The following PSPC1 variants were observed in gnomAD, a reference collection of about 807,000 sequenced individuals.
PSPC1 encodes paraspeckle component 1.
A neutral mutation model predicts 51.6 loss-of-function variants in PSPC1; 14 were observed. That is an observed-to-expected ratio of 0.27 (90% CI 0.18 to 0.42). PSPC1 has a LOEUF of 0.42. Among genes scored for constraint, PSPC1 ranks in the 10% least tolerant of loss-of-function variants. The pLI, the probability that PSPC1 is intolerant of heterozygous loss-of-function variation, is 1.00. For missense variants in PSPC1, 406 were observed against 701.1 expected, an observed-to-expected ratio of 0.58 and a Z score of 4.75; for synonymous variants, 193 against 231.9, an observed-to-expected ratio of 0.83 and a Z score of 1.53.
chr13:19,703,578 G>C (rs1284314350), intron 8 of PSPC1, among the ~76,000 whole-genome samples: 1 of 152,052 alleles, frequency 6.6e-6, no homozygotes, highest in Non-Finnish European at 1.5e-5. Flanking sequence ...TTTACATATT[G>C]CTAATGCTAT....
intron 2 of PSPC1, among the ~76,000 whole-genome samples, chr13:19,766,733 T>C (rs1038527319): frequency 6.6e-6 from 1 of 151,918 alleles, no homozygotes; most frequent in African/African-American, 2.4e-5. Flanking sequence ...TGCATGCCTA[T>C]AGTCCCAGCA....
chr13:19,702,581 G>A lies in PSPC1; in HGVS notation c.*594C>T, dbSNP rs1353470070. 1.3e-5 allele frequency: 2 copies of A among 151,980 alleles called. No individual in the cohort carries two copies. Among genetic ancestry groups the A allele is most frequent in the African/African-American group, 2.4e-5 (1 of 41,368 alleles). The allele number at this position is 151,980 out of a possible 1,614,324, so 9.4% of individuals were successfully genotyped here. A position where few individuals can be genotyped will look rare whatever the true frequency, so the allele number is the denominator to read the frequency against. On this transcript the variant is annotated 3_prime_UTR_variant, in exon 9 of 9. Coordinates refer to ENST00000338910, the MANE Select transcript of PSPC1 (RefSeq NM_001354909.2). ...CTTAATAATCTGTCTCAGAATACCTGAATATTCAGAAGCTATATGAAATGT... is the reference window on the plus strand; with the variant it reads ...CTTAATAATCTGTCTCAGAATACCTAAATATTCAGAAGCTATATGAAATGT...
intron 6 of PSPC1, among the ~76,000 whole-genome samples, chr13:19,713,863 C>G (rs1014810659): frequency 2.6e-5 from 4 of 152,104 alleles, no homozygotes; most frequent in Non-Finnish European, 5.9e-5. Context: ...TCATGTTTTC[C>G]CAGCACTAAG....
Position 19,773,841 on chromosome 13 carries a change from T to TG in PSPC1, c.373-1299dup, listed in dbSNP as rs1019324862. ...CTAATTTTTTAATTTTCTGTAGAGA[T>TG]GGGGGGGTCTCACTATATTCCCCAT... On this transcript the variant is annotated intron_variant, in intron 1 of 8. Transcript: ENST00000338910. Among the ~76,000 whole-genome samples, 23 of 151,988 alleles carry TG rather than the reference T, an allele frequency of 1.5e-4. No homozygotes were observed. In the East Asian group the frequency reaches 1.7e-3, roughly 12 times the overall value.
chr13:19,752,838 G>A (rs754092258), intron 3 of PSPC1, among the ~76,000 whole-genome samples: 5 of 151,336 alleles, frequency 3.3e-5, no homozygotes, highest in African/African-American at 4.9e-5. Flanking sequence ...CACCCATCTC[G>A]GTCTCCCAAA....
chr13:19,773,913 C>A (rs970549404), intron 1 of PSPC1, among the ~76,000 whole-genome samples: 1 of 152,144 alleles, frequency 6.6e-6, no homozygotes, highest in African/African-American at 2.4e-5. Context: ...TCGCCTTAGC[C>A]TCCCAAAGTG....
rs889017610 is a variant in PSPC1, at chr13:19,775,817, G to A, written c.373-3274C>T. On this transcript the variant is annotated intron_variant, in intron 1 of 8. Transcript: ENST00000338910. ...TGTAATCCCAACACTTTGGGAGGCC[G>A]AGGCAGGAGAATCACGAGGTCAGGA... Among the ~76,000 whole-genome samples the A allele has an allele frequency of 2.6e-5, 4 of 152,258 alleles. No individual in the cohort carries two copies. In the East Asian group the frequency reaches 5.8e-4, roughly 22 times the overall value.
At chr13:19,781,019 T>C (rs2138409054) in intron 1 of PSPC1, among the ~76,000 whole-genome samples, 1 of 151,682 alleles carries the variant, frequency 6.6e-6, no homozygotes, top group East Asian at 2.0e-4. Context: ...TAGGCAGGCT[T>C]GGGGGTGCGT....
intron 6 of PSPC1, among the ~76,000 whole-genome samples, chr13:19,690,472 G>T (rs1483330116): frequency 1.3e-5 from 2 of 152,162 alleles, no homozygotes; most frequent in East Asian, 3.9e-4. Flanking sequence ...GAAAAGGTGT[G>T]AGAGAAAAAC....
In PSPC1 at chr13:19,782,512, G is replaced by A. The variant is rs373249777; in HGVS notation, c.246C>T (p.Cys82=). ...TGGGCAGATTTCCCACGAAGAGGCG[G>A]CAGCGCTGCGTGTACGTCTTCTCGC... The part of the protein sequence containing the change: ...KPGEKTYTQR[C]RLFVGNLPTD... The change falls in exon 1 of 9, where the codon TGC becomes TGT. Residue 82 remains cysteine, a synonymous_variant. Transcript: ENST00000338910. This position sits in a 1 kb window ranked among gnomAD's most constrained non-coding sequence, Gnocchi z 4.5. The A allele has an allele frequency of 8.1e-6, 13 of 1,613,450 alleles. No homozygotes were observed. Among genetic ancestry groups the A allele is most frequent in the East Asian group, 2.2e-5 (1 of 44,818 alleles).
chr13:19,674,611 G>A (rs1023729750), downstream of PSPC1: 3 of 152,254 alleles, frequency 2.0e-5, no homozygotes, highest in Non-Finnish European at 4.4e-5. Flanking sequence ...CCAGGGGCCT[G>A]ATGAAGCACA....
intron 1 of PSPC1, among the ~76,000 whole-genome samples, chr13:19,778,079 T>C (rs983432659): frequency 1.3e-5 from 2 of 151,216 alleles, no homozygotes; most frequent in Admixed American, 6.6e-5. Context: ...CCGTCTCTAC[T>C]AAAAATACAA....
intron 6 of PSPC1, among the ~76,000 whole-genome samples, chr13:19,714,638 G>A (rs1881871326): frequency 6.6e-6 from 1 of 151,544 alleles, no homozygotes; most frequent in South Asian, 2.1e-4. Flanking sequence ...GGAACTATAG[G>A]CAGATACCAT....
At chr13:19,754,370 G>A (rs999638399) in intron 3 of PSPC1, among the ~76,000 whole-genome samples, 4 of 151,476 alleles carry the variant, frequency 2.6e-5, no homozygotes, top group Non-Finnish European at 5.9e-5. Context: ...ACAGGTGTGA[G>A]GCACTGCGCC....
chr13:19,757,046 C>T (rs1887149322), intron 3 of PSPC1, among the ~76,000 whole-genome samples: 1 of 150,840 alleles, frequency 6.6e-6, no homozygotes, highest in African/African-American at 2.4e-5. Context: ...AGGCGAATTG[C>T]TTGAACCTGG....
intron 6 of PSPC1, among the ~76,000 whole-genome samples, chr13:19,714,015 C>T (rs1881781457): frequency 6.6e-6 from 1 of 152,180 alleles, no homozygotes; most frequent in Admixed American, 6.5e-5. Flanking sequence ...TACTAGTAAC[C>T]ACTGCATTTG....
At chr13:19,719,517 G>A (rs1169688866) in intron 6 of PSPC1, among the ~76,000 whole-genome samples, 1 of 152,128 alleles carries the variant, frequency 6.6e-6, no homozygotes, top group Non-Finnish European at 1.5e-5. Flanking sequence ...ACAAAAAGTA[G>A]TTGTTACTTG....
At chr13:19,739,402 C>A (rs924916628) in intron 5 of PSPC1, among the ~76,000 whole-genome samples, 1 of 152,156 alleles carries the variant, frequency 6.6e-6, no homozygotes, top group Non-Finnish European at 1.5e-5. Flanking sequence ...AAGCTAGATT[C>A]AGGTAAGCCT....
chr13:19,756,379 C>T (rs1593724134), intron 3 of PSPC1, among the ~76,000 whole-genome samples: 1 of 152,138 alleles, frequency 6.6e-6, no homozygotes, highest in Admixed American at 6.6e-5. Context: ...ACGCCAAGAA[C>T]TTGGATACTC....
Sources: gnomAD v4.1 joint callset for allele counts (sites outside exome capture counted in the v4.1 genomes callset) on GRCh38, gnomAD v4.1.1 for gene constraint, Gnocchi (gnomAD v3.1) non-coding constraint, MANE v1.5 for transcripts, NCBI Gene and HGNC (gene_info 2026-07-23, HGNC 2026-07-21) for gene names.